The following ARHGAP31 variants were observed in gnomAD, a reference collection of about 807,000 sequenced individuals.
ARHGAP31 encodes the protein rho GTPase-activating protein 31.
Under a neutral mutation model 113.9 loss-of-function variants are expected in ARHGAP31, and 34 were observed. That is an observed-to-expected ratio of 0.30 (90% CI 0.23 to 0.40). The LOEUF is 0.40. Ranked by LOEUF, ARHGAP31 falls within the 10% of genes least tolerant of loss-of-function variation. The pLI is 1.00. For missense variants in ARHGAP31, 1,548 were observed against 1,767.1 expected (o/e 0.88, Z 2.22); for synonymous variants, 650 against 684.8 (o/e 0.95, Z 0.79).
chr3:119,334,241 C>T (rs2079921725), intron 1 of ARHGAP31, among the ~76,000 whole-genome samples: 1 of 152,108 alleles, frequency 6.6e-6, no homozygotes. Context: ...GTCTTGGCCC[C>T]CACTCCAGCC....
Position 119,402,090 on chromosome 3 carries a change from A to T in ARHGAP31, c.1338A>T (p.Thr446=). ...RPVEDPESEQ[T]APKMLGMFYT... ...TTGAGGATCCGGAGAGCGAGCAAAC[A>T]GCCCCAAAGATGTTGGGTATGTTCT... The change falls in exon 10 of 12, where the codon ACA becomes ACT. Residue 446 remains threonine (T), a synonymous_variant. Transcript: ENST00000264245. 2.5e-6 allele frequency: 4 copies of T among 1,614,216 alleles called. No individual in the cohort carries two copies. Among genetic ancestry groups the T allele is most frequent in the South Asian group, 2.2e-5 (2 of 91,068 alleles).
intron 1 of ARHGAP31, among the ~76,000 whole-genome samples, chr3:119,301,668 C>T (rs1287742000): frequency 2.6e-5 from 4 of 152,084 alleles, no homozygotes; most frequent in Admixed American, 6.6e-5. Context: ...GGAATCACCT[C>T]GCTGCAGAGA....
chr3:119,322,871 C>A (rs962739310), intron 1 of ARHGAP31: 6 of 153,362 alleles, frequency 3.9e-5, no homozygotes, highest in African/African-American at 1.4e-4. Context: ...AAACTCGGCC[C>A]GGCCGCGGGG....
At chr3:119,329,990 A>G in intron 1 of ARHGAP31, 1 of 985,444 alleles carries the variant, frequency 1.0e-6, no homozygotes, top group East Asian at 1.1e-4. Context: ...ATGCGGGGTG[A>G]GTTTCCACTA....
chr3:119,407,680 G>T (rs942154784), intron 10 of ARHGAP31, among the ~76,000 whole-genome samples: 3 of 152,218 alleles, frequency 2.0e-5, no homozygotes, highest in African/African-American at 7.2e-5. Flanking sequence ...AGGAGAGGTT[G>T]GTCTGGGAAG....
chr3:119,364,182 AT>A (rs2080233942), intron 1 of ARHGAP31, among the ~76,000 whole-genome samples: 1 of 117,756 alleles, frequency 8.5e-6, no homozygotes, highest in African/African-American at 3.3e-5. Context: ...GGTCCCTTTT[AT>A]GTTGTCCATT....
At chr3:119,358,510 A>C (rs577695439) in intron 1 of ARHGAP31, among the ~76,000 whole-genome samples, 5 of 152,356 alleles carry the variant, frequency 3.3e-5, no homozygotes, top group African/African-American at 9.6e-5. Context: ...TATCCAAGAG[A>C]ATTGAAAACA....
rs149352591 is a variant in ARHGAP31 at position 119,329,984 on chromosome 3, G to A, written c.100+34980G>A. The A allele has an allele frequency of 9.7e-5, 96 of 985,438 alleles. No homozygotes were observed. The African/African-American group carries it at 1.4e-3, about 15-fold the overall frequency. The allele number at this position is 985,438 out of a possible 1,614,324, so 61.0% of individuals were successfully genotyped here. ...GAAGAGAATGAGTCTGTGTCTATGC[G>A]GGGTGAGTTTCCACTATCATCGGTG... is the stretch of plus-strand genomic sequence containing the variant. On this transcript the variant is annotated intron_variant, in intron 1 of 11. Coordinates refer to ENST00000264245, the MANE Select transcript of ARHGAP31 (RefSeq NM_020754.4).
chr3:119,414,430 G>C lies in ARHGAP31; in HGVS notation c.2501G>C (p.Cys834Ser). 6.2e-7 allele frequency: 1 copy of C among 1,614,242 alleles called. No homozygotes were observed. The highest frequency in any genetic ancestry group is 8.5e-7 in the Non-Finnish European group (1 of 1,180,042). Reference protein sequence around the residue: ...SQDSPEISSLCQGEEATPRHS... With the variant: ...SQDSPEISSLSQGEEATPRHS... ...GACAGCCCTGAGATCTCTAGCCTCT[G>C]TCAGGGAGAGGAGGCAACCCCAAGA... The change falls in exon 12 of 12, where the codon TGT becomes TCT. Residue 834 changes from cysteine (C) to serine (S), a missense_variant. Transcript: ENST00000264245.
intron 1 of ARHGAP31, among the ~76,000 whole-genome samples, chr3:119,302,393 CAG>C (rs1336140464): frequency 6.6e-6 from 1 of 152,074 alleles, no homozygotes; most frequent in Non-Finnish European, 1.5e-5. Flanking sequence ...TTTGTAAGAG[CAG>C]AGTTTGATAG....
At position 119,401,835 on chromosome 3, in the gene ARHGAP31, G is replaced by A. The variant is rs1403502189; in HGVS notation, c.1083G>A (p.Lys361=). 6.2e-7 allele frequency: 1 copy of A among 1,613,942 alleles called. No homozygotes were observed. The highest frequency in any genetic ancestry group is 2.2e-5 in the East Asian group (1 of 44,882). The change falls in exon 10 of 12, where the codon AAG becomes AAA. Residue 361 remains lysine, a synonymous_variant. Transcript: ENST00000264245. Reference sequence around the variant, plus strand: ...CCTTTTTACTAGGAAAAGAAACCAAGGGAAATTTCAATCGAACAGTTACCA... The same window carrying A: ...CCTTTTTACTAGGAAAAGAAACCAAAGGAAATTTCAATCGAACAGTTACCA... The part of the protein sequence containing the change: ...CSVPVEGKET[K]GNFNRTVTTG...
At chr3:119,390,711 C>G (rs2080495982) in intron 6 of ARHGAP31, 74 bp from the exon 7 acceptor site, 1 of 1,489,746 alleles carries the variant, frequency 6.7e-7, no homozygotes, top group Non-Finnish European at 9.2e-7. Context: ...AATGGAGGGA[C>G]TGTGGATGGG....
At chr3:119,354,214 G>A (rs1042478291) in intron 1 of ARHGAP31, among the ~76,000 whole-genome samples, 9 of 152,116 alleles carry the variant, frequency 5.9e-5, no homozygotes, top group African/African-American at 2.2e-4. Context: ...CTTCACAAGG[G>A]GTAATAACCT....
intron 1 of ARHGAP31, among the ~76,000 whole-genome samples, chr3:119,315,663 T>G (rs7649930): frequency 0.39 from 59,601 of 152,086 alleles, 11,886 homozygotes; most frequent in Non-Finnish European, 0.41. Flanking sequence ...TTACAAACCT[T>G]TGGTGGTGCA....
At position 119,353,957 on chromosome 3, in the gene ARHGAP31, T is replaced by C. The variant is rs111737469; in HGVS notation, c.101-11359T>C. On this transcript the variant is annotated intron_variant, in intron 1 of 11. Transcript: ENST00000264245. ...TTTGGTAGAAGGAGAATCGCTGTCA[T>C]TGGGAAAGAGACAGCATTGACAGCA... Among the ~76,000 whole-genome samples the C allele has an allele frequency of 6.0e-4, 92 of 152,254 alleles. 1 individual carries two copies. Among genetic ancestry groups the C allele is most frequent in the African/African-American group, 2.0e-3 (85 of 41,536 alleles).
chr3:119,345,869 A>G (rs1052571694), intron 1 of ARHGAP31, among the ~76,000 whole-genome samples: 1 of 152,136 alleles, frequency 6.6e-6, no homozygotes, highest in African/African-American at 2.4e-5. Flanking sequence ...AAAAGGTGAC[A>G]CCTATTCTAG....
intron 1 of ARHGAP31, among the ~76,000 whole-genome samples, chr3:119,364,096 G>A (rs1038297434): frequency 6.6e-6 from 1 of 152,034 alleles, no homozygotes; most frequent in African/African-American, 2.4e-5. Context: ...TCAGCCGCCC[G>A]GAGAGAACAG....
intron 1 of ARHGAP31, among the ~76,000 whole-genome samples, chr3:119,321,881 G>GA (rs2079790689): frequency 6.6e-6 from 1 of 152,216 alleles, no homozygotes; most frequent in Admixed American, 6.5e-5. Context: ...TTGAACTTCT[G>GA]ACCTCGGGTG....
At chr3:119,300,854 G>A (rs866941635) in intron 1 of ARHGAP31, among the ~76,000 whole-genome samples, 2,593 of 137,420 alleles carry the variant, frequency 0.019, 108 homozygotes, top group African/African-American at 0.065. Flanking sequence ...AAGAAAGAAA[G>A]AAAGAAAGAA....
Sources: allele counts gnomAD v4.1 joint callset (sites outside exome capture counted in the v4.1 genomes callset), GRCh38; gene constraint gnomAD v4.1.1; transcripts MANE v1.5; gene names NCBI Gene and HGNC (gene_info 2026-07-23, HGNC 2026-07-21).